NFYC: variants seen among roughly 807,000 people sequenced by gnomAD.
NFYC encodes CAAT box DNA-binding protein subunit C.
A neutral mutation model predicts 53.1 loss-of-function variants in NFYC; 25 were observed. The observed-to-expected ratio is 0.47, with a 90% confidence interval of 0.34 to 0.66. The LOEUF (loss-of-function observed/expected upper bound fraction) is 0.66, where lower values mean the gene tolerates loss of function less well. NFYC is among the 30% of genes least tolerant of loss of function. NFYC has a pLI of 0.01. For missense variants in NFYC, 260 were observed against 422.7 expected (o/e 0.62, Z 3.38); for synonymous variants, 145 against 152.6 (o/e 0.95, Z 0.37).
intron 5 of NFYC, 96 bp from the exon 6 acceptor site, chr1:40,758,025 C>A (rs533022504): frequency 1.4e-6 from 2 of 1,384,342 alleles, no homozygotes; most frequent in East Asian, 2.4e-5. Context: ...CAGCAGGCAA[C>A]TGCACATAGC....
intron 1 of NFYC, among the ~76,000 whole-genome samples, chr1:40,718,525 C>A (rs965361478): frequency 6.6e-6 from 1 of 152,176 alleles, no homozygotes; most frequent in African/African-American, 2.4e-5. Context: ...GTAAAGGGAA[C>A]AAACATACAG....
chr1:40,705,299 C>G (rs1570328427), intron 1 of NFYC, among the ~76,000 whole-genome samples: 1 of 151,054 alleles, frequency 6.6e-6, no homozygotes, highest in African/African-American at 2.4e-5. Context: ...TCCCCACCCC[C>G]ACCCTTCACA....
chr1:40,697,025 T>G (rs1470369970), intron 1 of NFYC, among the ~76,000 whole-genome samples: 1 of 152,226 alleles, frequency 6.6e-6, no homozygotes, highest in Non-Finnish European at 1.5e-5. Context: ...TATTAGTTGC[T>G]GATTGGAGTC....
chr1:40,715,575 A>G (rs1383803883), intron 1 of NFYC, among the ~76,000 whole-genome samples: 2 of 151,914 alleles, frequency 1.3e-5, no homozygotes, highest in Non-Finnish European at 2.9e-5. Context: ...TGCTACCTCC[A>G]TATGGGGGCC....
intron 2 of NFYC, among the ~76,000 whole-genome samples, chr1:40,741,658 AGTG>A (rs1292090116): frequency 2.1e-5 from 3 of 140,470 alleles, no homozygotes; most frequent in Non-Finnish European, 4.6e-5. Flanking sequence ...GCTGGAGTGT[AGTG>A]GTACAATTAT....
At chr1:40,760,701 CAG>C (rs1355195664) in intron 6 of NFYC, among the ~76,000 whole-genome samples, 1 of 149,512 alleles carries the variant, frequency 6.7e-6, no homozygotes, top group Non-Finnish European at 1.5e-5. Flanking sequence ...ATCTGGGTGA[CAG>C]AGCGAGACTG....
chr1:40,728,488 T>C (rs1644621504), intron 1 of NFYC, among the ~76,000 whole-genome samples: 1 of 151,382 alleles, frequency 6.6e-6, no homozygotes, highest in Non-Finnish European at 1.5e-5. Context: ...TCCCAGCTAC[T>C]CGGGAGGCTG....
chr1:40,754,547 A>G, intron 5 of NFYC: 3 of 408,838 alleles, frequency 7.3e-6, no homozygotes, highest in Non-Finnish European at 1.5e-5. Context: ...CTCAGAAGTC[A>G]CAACAAGAAC....
At chr1:40,701,621 C>T (rs1232128072) in intron 1 of NFYC, among the ~76,000 whole-genome samples, 2 of 152,194 alleles carry the variant, frequency 1.3e-5, no homozygotes, top group Admixed American at 1.3e-4. Context: ...CCTCCCATAG[C>T]ATTTTGCATT....
rs115844604 is a variant in NFYC, at chr1:40,754,810, G to A, written c.387+1564G>A. Among the ~76,000 whole-genome samples the A allele has an allele frequency of 5.0e-3, 764 of 152,106 alleles. 6 individuals are homozygous for A. Among genetic ancestry groups the A allele is most frequent in the African/African-American group, 0.018 (726 of 41,436 alleles). ...ATTCCTCAGTGCTTCTGGGTCTCTCGGGGTGTCATACAGCTCCTTATTCCA... is the reference window on the plus strand; with the variant it reads ...ATTCCTCAGTGCTTCTGGGTCTCTCAGGGTGTCATACAGCTCCTTATTCCA... On this transcript the variant is annotated intron_variant, in intron 5 of 9. Coordinates refer to ENST00000447388, the MANE Select transcript of NFYC (RefSeq NM_014223.5).
rs141278090 is a variant in NFYC, at chr1:40,737,774, A to G, written c.-8-1062A>G. Among the ~76,000 whole-genome samples, 88 of 152,286 alleles carry G rather than the reference A, an allele frequency of 5.8e-4. 1 individual carries two copies. The highest frequency in any genetic ancestry group is 2.0e-3 in the African/African-American group (84 of 41,560). On this transcript the variant is annotated intron_variant, in intron 1 of 9. Coordinates refer to ENST00000447388, the MANE Select transcript of NFYC (RefSeq NM_014223.5). The stretch of plus-strand genomic sequence containing the variant: ...TTCAGGGGCTTCATGTTACCTACAC[A>G]GTTAATGGCCTCATGTCCTTTGAGA...
chr1:40,735,268 T>G (rs1167510319), intron 1 of NFYC: 1 of 152,136 alleles, frequency 6.6e-6, no homozygotes, highest in African/African-American at 2.4e-5. Context: ...TTTACCTATT[T>G]GGGATTTCCT....
rs1348232197 is a variant in NFYC at position 40,770,359 on chromosome 1, G to C, written c.889-350G>C. 1.3e-6 allele frequency: 2 copies of C among 1,520,206 alleles called. No homozygotes were observed. Among genetic ancestry groups the C allele is most frequent in the South Asian group, 2.5e-5 (2 of 80,158 alleles). 94.2% of individuals were successfully genotyped at this position (1,520,206 alleles called of 1,614,324 possible). A position where few individuals can be genotyped will look rare whatever the true frequency, so the allele number is the denominator to read the frequency against. ...TTGGGGAAATGCTGACTTCCAAGCT[G>C]CTGGTACAGTGGTTCGAATTGCTTG... On this transcript the variant is annotated intron_variant, in intron 9 of 9. Transcript: ENST00000447388. This position sits in a 1 kb window ranked among gnomAD's most constrained non-coding sequence, Gnocchi z 5.3.
At chr1:40,747,138 A>G (rs1645647240) in intron 2 of NFYC, among the ~76,000 whole-genome samples, 1 of 152,144 alleles carries the variant, frequency 6.6e-6, no homozygotes, top group African/African-American at 2.4e-5. Flanking sequence ...GTTTAGAGGA[A>G]TACCCCTGAG....
chr1:40,716,437 T>G (rs925585214), intron 1 of NFYC, among the ~76,000 whole-genome samples: 1 of 152,044 alleles, frequency 6.6e-6, no homozygotes, highest in Non-Finnish European at 1.5e-5. Flanking sequence ...CATAAGGAGA[T>G]GAGTTAAGGA....
intron 1 of NFYC, among the ~76,000 whole-genome samples, chr1:40,715,288 G>T (rs1047219621): frequency 6.6e-6 from 1 of 151,306 alleles, no homozygotes; most frequent in African/African-American, 2.4e-5. Flanking sequence ...TATACAGGAG[G>T]CTGAGGCACA....
chr1:40,699,725 A>G (rs893728771), intron 1 of NFYC, among the ~76,000 whole-genome samples: 3 of 152,222 alleles, frequency 2.0e-5, no homozygotes, highest in African/African-American at 4.8e-5. Context: ...ACAGTTGCCT[A>G]TAGTCTTTTC....
At chr1:40,758,057 A>G in intron 5 of NFYC, 64 bp from the exon 6 acceptor site, 1 of 1,585,808 alleles carries the variant, frequency 6.3e-7, no homozygotes, top group South Asian at 1.1e-5. Flanking sequence ...AAGAGTGGAA[A>G]TTCACTGTGG....
intron 5 of NFYC, chr1:40,754,548 C>T (rs1480985826): frequency 7.3e-6 from 3 of 408,968 alleles, no homozygotes; most frequent in Non-Finnish European, 1.5e-5. Context: ...TCAGAAGTCA[C>T]AACAAGAACT....
Sources: gnomAD v4.1 joint callset for allele counts (sites outside exome capture counted in the v4.1 genomes callset) on GRCh38, gnomAD v4.1.1 for gene constraint, Gnocchi (gnomAD v3.1) non-coding constraint, MANE v1.5 for transcripts, NCBI Gene and HGNC (gene_info 2026-07-23, HGNC 2026-07-21) for gene names.